ZMAT4: variants seen among roughly 807,000 people sequenced by gnomAD.
ZMAT4 encodes zinc finger matrin-type 4, also known as zinc finger matrin-type protein 4.
ZMAT4 carries 17 observed loss-of-function variants against 28.7 expected under a neutral mutation model. The ratio of observed to expected loss-of-function variants is 0.59; its 90% CI spans 0.41 to 0.89. The LOEUF (loss-of-function observed/expected upper bound fraction) is 0.89, where lower values mean the gene tolerates loss of function less well. Ranked by LOEUF, ZMAT4 falls within the 40% of genes least tolerant of loss-of-function variation. The pLI is 0.00. For synonymous variants in ZMAT4, 117 were observed against 109.2 expected (o/e 1.07, Z -0.44); for missense variants, 240 against 283.8 (o/e 0.85, Z 1.11).
chr8:40,710,281 AT>A (rs1403228118), intron 3 of ZMAT4, among the ~76,000 whole-genome samples: 1 of 152,184 alleles, frequency 6.6e-6, no homozygotes, highest in East Asian at 1.9e-4. Context: ...CAATATTGTT[AT>A]TCACGGGATA....
intron 5 of ZMAT4, among the ~76,000 whole-genome samples, chr8:40,641,680 T>C (rs1807033342): frequency 6.6e-6 from 1 of 152,200 alleles, no homozygotes; most frequent in African/African-American, 2.4e-5. Context: ...CTTTTTTTAT[T>C]CTTATTATTT....
intron 5 of ZMAT4, among the ~76,000 whole-genome samples, chr8:40,589,720 C>T (rs867166222): frequency 1.1e-4 from 15 of 138,406 alleles, no homozygotes; most frequent in Middle Eastern, 8.3e-3. Context: ...TTCCTTCTTC[C>T]TTCTTCCTTT....
At chr8:40,598,939 G>T (rs1460207229) in intron 5 of ZMAT4, among the ~76,000 whole-genome samples, 1 of 152,148 alleles carries the variant, frequency 6.6e-6, no homozygotes, top group Non-Finnish European at 1.5e-5. Context: ...GGTGGAGGAG[G>T]AGTTTGACTG....
intron 3 of ZMAT4, among the ~76,000 whole-genome samples, chr8:40,734,673 T>A (rs188226123): frequency 6.6e-6 from 1 of 152,266 alleles, no homozygotes; most frequent in East Asian, 1.9e-4. Flanking sequence ...ATCTCCAGGT[T>A]TAAAATGAAT....
chr8:40,604,250 T>C (rs1805503517), intron 5 of ZMAT4, among the ~76,000 whole-genome samples: 1 of 152,220 alleles, frequency 6.6e-6, no homozygotes, highest in South Asian at 2.1e-4. Flanking sequence ...GGACTTCTAG[T>C]ACTATGTTAA....
chr8:40,658,349 AC>A (rs1227735575), intron 5 of ZMAT4, among the ~76,000 whole-genome samples: 1 of 152,156 alleles, frequency 6.6e-6, no homozygotes, highest in African/African-American at 2.4e-5. Flanking sequence ...CATTGTATAA[AC>A]TTTGGATTCT....
chr8:40,662,787 C>G (rs911714163), intron 5 of ZMAT4, among the ~76,000 whole-genome samples: 1 of 152,098 alleles, frequency 6.6e-6, no homozygotes. Context: ...CAATAGGAAA[C>G]GTTGACCTTG....
At chr8:40,671,824 TAAAAC>T (rs1041620233) in intron 5 of ZMAT4, among the ~76,000 whole-genome samples, 1 of 152,196 alleles carries the variant, frequency 6.6e-6, no homozygotes, top group African/African-American at 2.4e-5. Context: ...TTTAAAAAAT[TAAAAC>T]AAAATTAGAA....
intron 2 of ZMAT4, among the ~76,000 whole-genome samples, chr8:40,820,965 A>ATGTGTGTATGTGTATGTGTGTTTATG: frequency 2.1e-5 from 1 of 47,728 alleles, no homozygotes; most frequent in Non-Finnish European, 4.4e-5. Context: ...GTCTGTGTGT[A>ATGTGTGTATGTGTATGTGTGTTTATG]TGTGTGTATG....
At chr8:40,742,366 A>ATCACTTGTATATAAATATATG (rs1812047864) in intron 3 of ZMAT4, among the ~76,000 whole-genome samples, 1 of 150,398 alleles carries the variant, frequency 6.6e-6, no homozygotes, top group African/African-American at 2.4e-5. Flanking sequence ...ATAAATATAT[A>ATCACTTGTATATAAATATATG]TCACTTGTAT....
intron 1 of ZMAT4, among the ~76,000 whole-genome samples, chr8:40,895,452 A>G (rs1416312892): frequency 6.6e-6 from 1 of 152,162 alleles, no homozygotes; most frequent in Admixed American, 6.5e-5. Flanking sequence ...GGTGTTTTGC[A>G]CTTTGTCAAT....
intron 3 of ZMAT4, among the ~76,000 whole-genome samples, chr8:40,737,569 G>C (rs897868265): frequency 6.6e-6 from 1 of 152,124 alleles, no homozygotes; most frequent in Admixed American, 6.6e-5. Flanking sequence ...GAACTAAAAA[G>C]GCCTACTGGC....
chr8:40,835,818 G>C (rs1336000592), intron 1 of ZMAT4, among the ~76,000 whole-genome samples: 1 of 152,186 alleles, frequency 6.6e-6, no homozygotes, highest in African/African-American at 2.4e-5. Context: ...CAGTCAGCCA[G>C]CAGACATTCT....
chr8:40,729,674 A>T (rs1811454524), intron 3 of ZMAT4, among the ~76,000 whole-genome samples: 1 of 150,314 alleles, frequency 6.7e-6, no homozygotes, highest in African/African-American at 2.5e-5. Flanking sequence ...GGCCCACTAC[A>T]ACCTCCACCT....
intron 1 of ZMAT4, among the ~76,000 whole-genome samples, chr8:40,851,929 C>T (rs2150636051): frequency 6.6e-6 from 1 of 152,250 alleles, no homozygotes; most frequent in East Asian, 1.9e-4. Context: ...TGGGGTCTCA[C>T]TCTGTTGCCC....
chr8:40,798,911 CT>C lies in ZMAT4; in HGVS notation c.102+26663del, dbSNP rs11445128. On this transcript the variant is annotated intron_variant, in intron 2 of 6. Coordinates refer to ENST00000297737, the MANE Select transcript of ZMAT4 (RefSeq NM_024645.3). ...CTGTGTTTCTAGCCATTGGAAGGGG[CT>C]TTTTTCAGGCCAGTCCCCTCAATTG... Among the ~76,000 whole-genome samples, 2,243 of 152,030 alleles carry C rather than the reference CT, an allele frequency of 0.015. 134 individuals carry two copies. The East Asian group carries it at 0.21, about 14-fold the overall frequency.
At chr8:40,647,456 A>G (rs568101708) in intron 5 of ZMAT4, among the ~76,000 whole-genome samples, 75 of 152,310 alleles carry the variant, frequency 4.9e-4, no homozygotes, top group African/African-American at 1.7e-3. Context: ...TTGCTAGCAC[A>G]GCAGTCTGAG....
At chr8:40,750,782 T>G (rs1031373568) in intron 3 of ZMAT4, among the ~76,000 whole-genome samples, 2 of 152,216 alleles carry the variant, frequency 1.3e-5, no homozygotes, top group Non-Finnish European at 2.9e-5. Context: ...GTCTGGAGAT[T>G]CCTGGCCACC....
At chr8:40,873,085 T>A (rs1454282047) in intron 1 of ZMAT4, among the ~76,000 whole-genome samples, 1 of 152,104 alleles carries the variant, frequency 6.6e-6, no homozygotes, top group Non-Finnish European at 1.5e-5. Context: ...GAGATTTAGA[T>A]GAAGAATCCT....
Sources: gnomAD v4.1 joint callset for allele counts (sites outside exome capture counted in the v4.1 genomes callset) on GRCh38, gnomAD v4.1.1 for gene constraint, MANE v1.5 for transcripts, NCBI Gene and HGNC (gene_info 2026-07-23, HGNC 2026-07-21) for gene names.